Variants in SLC39A11 observed in about 807,000 individuals in gnomAD.
SLC39A11 encodes zinc transporter ZIP11.
Under a neutral mutation model 36.1 loss-of-function variants are expected in SLC39A11, and 33 were observed. The ratio of observed to expected loss-of-function variants is 0.91; its 90% CI spans 0.69 to 1.22. The LOEUF is 1.22. Among genes scored for constraint, SLC39A11 ranks in the 50% most tolerant of loss-of-function variants. SLC39A11 has a pLI of 0.00. For missense variants in SLC39A11, 432 were observed against 430.3 expected (o/e 1.00, Z -0.03); for synonymous variants, 166 against 170.3 (o/e 0.97, Z 0.20).
At chr17:72,687,233 G>A (rs920451036) in intron 7 of SLC39A11, among the ~76,000 whole-genome samples, 8 of 151,844 alleles carry the variant, frequency 5.3e-5, no homozygotes, top group South Asian at 2.1e-4. Flanking sequence ...GTCTCACTAC[G>A]TTGCCCAGGC....
intron 6 of SLC39A11, among the ~76,000 whole-genome samples, chr17:72,744,245 G>A (rs953435623): frequency 6.6e-6 from 1 of 152,112 alleles, no homozygotes; most frequent in Non-Finnish European, 1.5e-5. Context: ...GCCTGTTCAG[G>A]GTTCCCCACT....
chr17:73,043,912 T>C (rs543273517), intron 3 of SLC39A11, among the ~76,000 whole-genome samples: 1 of 152,302 alleles, frequency 6.6e-6, no homozygotes, highest in East Asian at 1.9e-4. Flanking sequence ...GCTATATCTG[T>C]ACTTAATTTG....
At chr17:73,067,526 GT>G (rs2144414589) in intron 3 of SLC39A11, among the ~76,000 whole-genome samples, 1 of 152,210 alleles carries the variant, frequency 6.6e-6, no homozygotes, top group Non-Finnish European at 1.5e-5. Flanking sequence ...GGTCTTTCTT[GT>G]TTTTTGTTTT....
intron 6 of SLC39A11, among the ~76,000 whole-genome samples, chr17:72,838,860 G>A (rs1001208507): frequency 3.3e-5 from 5 of 152,216 alleles, no homozygotes; most frequent in African/African-American, 1.2e-4. Context: ...GGGATAACAT[G>A]GAGTTATGAT....
At chr17:72,760,052 G>A (rs2075516490) in intron 6 of SLC39A11, among the ~76,000 whole-genome samples, 1 of 152,042 alleles carries the variant, frequency 6.6e-6, no homozygotes, top group Non-Finnish European at 1.5e-5. Context: ...TTTGACACAG[G>A]GTCTCACTCT....
In SLC39A11 at chr17:73,031,572, A is replaced by G. The variant is rs375695992; in HGVS notation, c.290T>C (p.Leu97Pro). ...GGTACTCACCAAGTGAGGCATCAGGAGGTCAGCCAAGTAGACAAAAGCCGC... is the reference window on the plus strand; with the variant it reads ...GGTACTCACCAAGTGAGGCATCAGGGGGTCAGCCAAGTAGACAAAAGCCGC... The part of the protein sequence containing the change: ...LGAAFVYLAD[L>P]LMPHLGAAED... The change falls in exon 4 of 10, where the codon CTC becomes CCC. Residue 97 changes from leucine (L) to proline (P), a missense_variant. Transcript: ENST00000255559. 1 of 1,614,072 alleles carries G rather than the reference A, an allele frequency of 6.2e-7. No homozygotes were observed. Among genetic ancestry groups the G allele is most frequent in the African/African-American group, 1.3e-5 (1 of 74,938 alleles).
rs372125324 is a variant in SLC39A11, at chr17:73,062,088, T to C, written c.147+22720A>G. On this transcript the variant is annotated intron_variant, in intron 3 of 9. Transcript: ENST00000255559. The stretch of plus-strand genomic sequence containing the variant: ...TATGGAAAAATAATGGTGTGGCGAC[T>C]GTTCTAGAATTACTAGGATGGTTTG... Among the ~76,000 whole-genome samples the C allele has an allele frequency of 1.0e-3, 152 of 152,268 alleles. 5 individuals are homozygous for C. In the South Asian group the frequency reaches 0.027, roughly 27 times the overall value.
At chr17:72,910,926 CAAAAAAA>C (rs199741291) in intron 5 of SLC39A11, among the ~76,000 whole-genome samples, 50,891 of 111,842 alleles carry the variant, frequency 0.46, 9,691 homozygotes, top group African/African-American at 0.55. Context: ...GACTCCACCT[CAAAAAAA>C]AAAAAAAAAA....
intron 5 of SLC39A11, among the ~76,000 whole-genome samples, chr17:72,935,425 A>C (rs909510302): frequency 1.3e-5 from 2 of 152,194 alleles, no homozygotes; most frequent in Non-Finnish European, 2.9e-5. Flanking sequence ...AGGCTGCTCA[A>C]GGGAATATGG....
intron 7 of SLC39A11, among the ~76,000 whole-genome samples, chr17:72,699,504 G>A (rs962738918): frequency 6.6e-6 from 1 of 152,184 alleles, no homozygotes; most frequent in African/African-American, 2.4e-5. Context: ...CAGATGGAGG[G>A]AGAGGAGCTT....
At chr17:72,748,229 G>A (rs143109938) in intron 6 of SLC39A11, among the ~76,000 whole-genome samples, 236 of 152,016 alleles carry the variant, frequency 1.6e-3, no homozygotes, top group African/African-American at 5.5e-3. Flanking sequence ...GGGTTAGGCT[G>A]GAGAATCGCT....
intron 5 of SLC39A11, among the ~76,000 whole-genome samples, chr17:72,900,977 CAACA>C (rs879666951): frequency 0.48 from 71,909 of 148,770 alleles, 17,500 homozygotes; most frequent in East Asian, 0.72. Context: ...AACAAACAAA[CAACA>C]AAAAAAAAAC....
chr17:73,066,235 A>C (rs1258884012), intron 3 of SLC39A11, among the ~76,000 whole-genome samples: 1 of 152,124 alleles, frequency 6.6e-6, no homozygotes, highest in African/African-American at 2.4e-5. Context: ...AAAAGGCAAC[A>C]AACACCAAGG....
intron 6 of SLC39A11, among the ~76,000 whole-genome samples, chr17:72,831,629 A>C (rs899769938): frequency 3.9e-5 from 6 of 152,216 alleles, no homozygotes; most frequent in African/African-American, 1.2e-4. Flanking sequence ...GGATGGTCTA[A>C]ATTGCTATCG....
intron 7 of SLC39A11, among the ~76,000 whole-genome samples, chr17:72,724,940 G>T (rs1183234019): frequency 1.3e-5 from 2 of 152,184 alleles, no homozygotes. Flanking sequence ...CCAAAAAGAT[G>T]AATCCTGTGC....
intron 3 of SLC39A11, among the ~76,000 whole-genome samples, chr17:73,084,437 C>CAAAA (rs67639617): frequency 1.1e-4 from 7 of 61,652 alleles, no homozygotes; most frequent in African/African-American, 1.3e-4. Flanking sequence ...GGCTCTGTCT[C>CAAAA]AAAAAAAAAA....
chr17:72,825,310 C>T (rs766338716), intron 6 of SLC39A11, among the ~76,000 whole-genome samples: 8 of 152,208 alleles, frequency 5.3e-5, no homozygotes, highest in East Asian at 3.8e-4. Flanking sequence ...GTGGCTTCCA[C>T]GTGGTGGTAA....
chr17:72,895,180 G>C (rs1485084868), intron 5 of SLC39A11, among the ~76,000 whole-genome samples: 2 of 152,180 alleles, frequency 1.3e-5, no homozygotes, highest in African/African-American at 4.8e-5. Flanking sequence ...GGGCAGGGAA[G>C]GCTGGGAGGC....
At chr17:72,952,840 C>T (rs1034878343) in intron 4 of SLC39A11, among the ~76,000 whole-genome samples, 1 of 152,122 alleles carries the variant, frequency 6.6e-6, no homozygotes, top group Non-Finnish European at 1.5e-5. Flanking sequence ...CGACAGTCTG[C>T]TCTGCTGCCC....
Sources: allele counts gnomAD v4.1 joint callset (sites outside exome capture counted in the v4.1 genomes callset), GRCh38; gene constraint gnomAD v4.1.1; transcripts MANE v1.5; gene names NCBI Gene and HGNC (gene_info 2026-07-23, HGNC 2026-07-21).